LRCH2: variants seen among roughly 807,000 people sequenced by gnomAD.
LRCH2 encodes leucine rich repeats and calponin homology domain containing 2.
Under a neutral mutation model 68.9 loss-of-function variants are expected in LRCH2, and 38 were observed. The observed-to-expected ratio is 0.55, with a 90% CI of 0.43 to 0.72. LRCH2 has a LOEUF of 0.72. Among genes scored for constraint, LRCH2 ranks in the 30% least tolerant of loss-of-function variants. The pLI is 0.00. For missense variants in LRCH2, 528 were observed against 572.9 expected, an observed-to-expected ratio of 0.92 and a Z score of 0.80; for synonymous variants, 191 against 208.1, an observed-to-expected ratio of 0.92 and a Z score of 0.71.
At chrX:115,177,514 C>A (rs2072659868) in intron 5 of LRCH2, among the ~76,000 whole-genome samples, 1 of 111,948 alleles carries the variant, frequency 8.9e-6, no homozygotes, top group African/African-American at 3.2e-5. Context: ...CAACCATTCA[C>A]TGTTTTCAGT....
chrX:115,208,118 T>C, intron 1 of LRCH2, among the ~76,000 whole-genome samples: 1 of 112,609 alleles, frequency 8.9e-6, no homozygotes, highest in Middle Eastern at 4.6e-3. Context: ...TGTGAGAGAC[T>C]AATTTTCTTT....
chrX:115,128,062 T>C (rs182649466), intron 15 of LRCH2, among the ~76,000 whole-genome samples: 279 of 111,918 alleles, frequency 2.5e-3, no homozygotes, highest in African/African-American at 8.3e-3. Flanking sequence ...TGCAAGGAAG[T>C]TATTGCAGTA....
chrX:115,123,223 C>T, intron 17 of LRCH2, 31 bp from the exon 18 acceptor site: 1 of 1,098,552 alleles, frequency 9.1e-7, no homozygotes, highest in Non-Finnish European at 1.2e-6. Flanking sequence ...TAACTTGTTA[C>T]AAAGTTAATG....
chrX:115,201,478 T>C (rs1007709836), intron 1 of LRCH2, among the ~76,000 whole-genome samples: 20 of 110,854 alleles, frequency 1.8e-4, no homozygotes, highest in Non-Finnish European at 3.0e-4. Context: ...CCCTTCATGG[T>C]AAAAAAACCC....
intron 15 of LRCH2, among the ~76,000 whole-genome samples, chrX:115,129,287 C>A (rs1344217575): frequency 9.0e-6 from 1 of 111,191 alleles, no homozygotes; most frequent in Non-Finnish European, 1.9e-5. Context: ...AAAGGGTAGG[C>A]TGGGATCTTG....
intron 5 of LRCH2, among the ~76,000 whole-genome samples, chrX:115,175,935 G>A (rs193054729): frequency 2.5e-3 from 280 of 111,860 alleles, no homozygotes; most frequent in African/African-American, 8.4e-3. Flanking sequence ...ACTTATAGTT[G>A]GTCAGTCAGA....
Position 115,163,750 on chromosome X carries a change from C to G in LRCH2, c.1389G>C (p.Glu463Asp). 1 of 1,199,000 alleles carries G rather than the reference C, an allele frequency of 8.3e-7. No homozygotes were observed. The highest frequency in any genetic ancestry group is 1.8e-5 in the South Asian group (1 of 54,636). Residue 463 changes from glutamate (E) to aspartate (D), a missense_variant, in exon 11 of 21, where the codon GAG becomes GAC. Transcript: ENST00000317135. ...CAGTTACTTCCTTCAAATCATCATC[C>G]TCTTCCTCTGCCAGTAACTGTTCTT... ...LEKEQLLAEE[E>D]DDDLKEVTDL...
At chrX:115,197,042 C>A (rs1241399554) in intron 1 of LRCH2, among the ~76,000 whole-genome samples, 1 of 110,940 alleles carries the variant, frequency 9.0e-6, no homozygotes, top group East Asian at 2.8e-4. Flanking sequence ...ATAAGGATAG[C>A]CATACAAATT....
At chrX:115,232,680 A>G (rs2073160690) in intron 1 of LRCH2, among the ~76,000 whole-genome samples, 1 of 112,232 alleles carries the variant, frequency 8.9e-6, no homozygotes, top group South Asian at 3.7e-4. Context: ...TTGTTTCAAA[A>G]TGACGACATC....
intron 14 of LRCH2, among the ~76,000 whole-genome samples, chrX:115,140,727 G>T (rs1556533892): frequency 2.7e-5 from 3 of 111,704 alleles, no homozygotes; most frequent in Admixed American, 9.5e-5. Context: ...GCCAGTGGTG[G>T]TGGTGGCCAC....
At chrX:115,211,775 G>C (rs2073009316) in intron 1 of LRCH2, among the ~76,000 whole-genome samples, 1 of 110,351 alleles carries the variant, frequency 9.1e-6, no homozygotes, top group Non-Finnish European at 1.9e-5. Context: ...CCCCAAGATT[G>C]CTTCTTGCAA....
intron 5 of LRCH2, among the ~76,000 whole-genome samples, chrX:115,171,177 C>T (rs187089964): frequency 2.5e-3 from 277 of 111,220 alleles, no homozygotes; most frequent in African/African-American, 8.3e-3. Context: ...AAAAATGTAA[C>T]ATTTTATGGG....
At chrX:115,130,130 AATT>A (rs1307508812) in intron 15 of LRCH2, 22 bp downstream of exon 15, 3 of 918,979 alleles carry the variant, frequency 3.3e-6, no homozygotes, top group Non-Finnish European at 4.5e-6. Flanking sequence ...CATTTCAAAT[AATT>A]ATTAATATTA....
intron 1 of LRCH2, among the ~76,000 whole-genome samples, chrX:115,207,206 A>C (rs782198673): frequency 3.6e-5 from 4 of 111,424 alleles, no homozygotes; most frequent in Non-Finnish European, 7.5e-5. Flanking sequence ...TCCAGCAAAA[A>C]ATTAAATAAA....
At chrX:115,166,543 C>T (rs782009193) in intron 6 of LRCH2, among the ~76,000 whole-genome samples, 1 of 111,066 alleles carries the variant, frequency 9.0e-6, no homozygotes, top group East Asian at 2.8e-4. Flanking sequence ...TTGTTCCCTT[C>T]GTGTACTCTA....
intron 1 of LRCH2, 82 bp from the exon 2 acceptor site, chrX:115,188,452 T>G: frequency 1.4e-6 from 1 of 696,150 alleles, no homozygotes; most frequent in South Asian, 4.8e-5. Flanking sequence ...GCTGAATCAC[T>G]TAGAATCTAA....
chrX:115,171,414 T>C (rs917906307), intron 5 of LRCH2, among the ~76,000 whole-genome samples: 10 of 111,191 alleles, frequency 9.0e-5, no homozygotes, highest in African/African-American at 3.3e-4. Context: ...GTAAATATCA[T>C]TGATTTTTCT....
chrX:115,154,065 C>T (rs994011935), intron 12 of LRCH2, among the ~76,000 whole-genome samples: 3 of 111,384 alleles, frequency 2.7e-5, no homozygotes, highest in East Asian at 2.8e-4. Context: ...TGGAGAAACA[C>T]GCATCATGCT....
At chrX:115,225,619 C>T (rs1377452308) in intron 1 of LRCH2, among the ~76,000 whole-genome samples, 3 of 111,617 alleles carry the variant, frequency 2.7e-5, no homozygotes, top group South Asian at 3.7e-4. Context: ...TTAAAATTTA[C>T]AAATTTGTCC....
Sources: allele counts gnomAD v4.1 joint callset (sites outside exome capture counted in the v4.1 genomes callset), GRCh38; gene constraint gnomAD v4.1.1; transcripts MANE v1.5; gene names NCBI Gene and HGNC (gene_info 2026-07-23, HGNC 2026-07-21).